Variants in RPS6KA3 observed in about 807,000 individuals in gnomAD.
RPS6KA3 encodes the protein ribosomal protein S6 kinase alpha-3.
A neutral mutation model predicts 67.2 loss-of-function variants in RPS6KA3; 4 were observed. The ratio of observed to expected loss-of-function variants is 0.06; its 90% CI spans 0.03 to 0.14. The LOEUF (loss-of-function observed/expected upper bound fraction) is 0.14. Ranked by LOEUF, RPS6KA3 falls within the 10% of genes least tolerant of loss-of-function variation. The probability of loss-of-function intolerance (pLI) is 1.00; values close to 1 mark genes in which losing one functional copy is unlikely to be tolerated. For synonymous variants in RPS6KA3, 182 were observed against 183.7 expected (o/e 0.99, Z 0.07); for missense variants, 204 against 559.0 (o/e 0.36, Z 6.40).
At chrX:20,156,554 GA>G (rs1159167655) in intron 20 of RPS6KA3, among the ~76,000 whole-genome samples, 1 of 110,413 alleles carries the variant, frequency 9.1e-6, no homozygotes, top group Non-Finnish European at 1.9e-5. Flanking sequence ...TTTATTTATT[GA>G]AACAGGGTCT....
At chrX:20,182,335 C>T (rs1444027784) in intron 10 of RPS6KA3, among the ~76,000 whole-genome samples, 1 of 111,878 alleles carries the variant, frequency 8.9e-6, no homozygotes, top group Non-Finnish European at 1.9e-5. Context: ...TTCCTTAGCT[C>T]CACATTCTTG....
intron 1 of RPS6KA3, 62 bp from the exon 2 acceptor site, chrX:20,234,876 T>C: frequency 8.9e-6 from 8 of 903,922 alleles, no homozygotes; most frequent in Non-Finnish European, 1.3e-5. Context: ...TAAAGTTAAA[T>C]GAAGGCAGAC....
Position 20,169,661 on chromosome X carries a change from T to C in RPS6KA3, c.1354-170A>G. On this transcript the variant is annotated intron_variant, in intron 15 of 21. Transcript: ENST00000379565. ...CCAGATTGTTTAATCAGAAAGCCAG[T>C]CTTGATATAGATGGCAAGGCTGTAA... 5 of 516,840 alleles carry C rather than the reference T, an allele frequency of 9.7e-6. No homozygotes were observed. In the South Asian group the frequency reaches 1.2e-4, roughly 13 times the overall value. The allele number at this position is 516,840 out of a possible 1,213,427, so 42.6% of individuals were successfully genotyped here. A position where few individuals can be genotyped will look rare whatever the true frequency, so the allele number is the denominator to read the frequency against.
intron 2 of RPS6KA3, among the ~76,000 whole-genome samples, chrX:20,231,939 A>G (rs1293141075): frequency 8.9e-6 from 1 of 111,760 alleles, no homozygotes; most frequent in African/African-American, 3.3e-5. Flanking sequence ...AGTTTGTGGT[A>G]ATTTGTTATG....
chrX:20,228,721 T>C (rs142998251), intron 2 of RPS6KA3, among the ~76,000 whole-genome samples: 4,212 of 111,360 alleles, frequency 0.038, 99 homozygotes, highest in Non-Finnish European at 0.057. Flanking sequence ...GAATAAGACT[T>C]GCTCACCATT....
At chrX:20,228,686 G>C (rs1480388363) in intron 2 of RPS6KA3, among the ~76,000 whole-genome samples, 2 of 111,300 alleles carry the variant, frequency 1.8e-5, no homozygotes, top group Non-Finnish European at 3.8e-5. Context: ...CCATTTTTGA[G>C]CTCTTCTGAG....
At position 20,195,208 on chromosome X, in the gene RPS6KA3, T is replaced by C. The variant is rs150974150; in HGVS notation, c.326-63A>G. 6.1e-3 allele frequency: 4,481 copies of C among 738,378 alleles called. 172 individuals are homozygous for C. In the East Asian group the frequency reaches 0.12, roughly 20 times the overall value. The allele number at this position is 738,378 out of a possible 1,213,427, so 60.9% of individuals were successfully genotyped here. ...TTCAAAGATAATCTTCAAAACAAAT[T>C]CTTTTTGGTGCCCATGTTAAATAAA... On this transcript the variant is annotated intron_variant, in intron 4 of 21. Transcript: ENST00000379565.
At position 20,186,981 on chromosome X, in the gene RPS6KA3, G is replaced by A. The variant is rs763267384; in HGVS notation, c.775-615C>T. On this transcript the variant is annotated intron_variant, in intron 9 of 21. Transcript: ENST00000379565. ...CCCAAGTAGCTGGGATTACAGGTGTGTGCCACCATGCCTGGCTAATTTTTT... is the reference window on the plus strand; with the variant it reads ...CCCAAGTAGCTGGGATTACAGGTGTATGCCACCATGCCTGGCTAATTTTTT... 5.4e-5 allele frequency among the ~76,000 whole-genome samples: 6 copies of A among 111,152 alleles called. No homozygotes were observed. The South Asian group carries it at 1.1e-3, about 21-fold the overall frequency.
At chrX:20,188,060 T>G (rs2068029980) in intron 8 of RPS6KA3, 90 bp from the exon 9 acceptor site, 11 of 867,649 alleles carry the variant, frequency 1.3e-5, no homozygotes, top group Middle Eastern at 3.4e-4. Flanking sequence ...TTAAAATTTC[T>G]AATACAAGTT....
intron 7 of RPS6KA3, among the ~76,000 whole-genome samples, chrX:20,191,431 T>C (rs771978665): frequency 4.6e-4 from 51 of 111,779 alleles, no homozygotes; most frequent in African/African-American, 1.4e-3. Context: ...TTCTAGATCC[T>C]TGAGGAATCG....
intron 10 of RPS6KA3, among the ~76,000 whole-genome samples, chrX:20,180,974 G>C (rs765431145): frequency 8.9e-6 from 1 of 111,884 alleles, no homozygotes; most frequent in African/African-American, 3.2e-5. Context: ...GTGCAGACTT[G>C]ATTTGGATCC....
rs951403731 is a variant in RPS6KA3, at chrX:20,188,393, T to C, written c.631+104A>G. On this transcript the variant is annotated intron_variant, in intron 8 of 21. Transcript: ENST00000379565. ...GCCTGGCCCTAATACAAGTTTTTAA[T>C]TTTAATACAGTGTATTACTCAATAT... 15 of 490,841 alleles carry C rather than the reference T, an allele frequency of 3.1e-5. No individual in the cohort carries two copies. In the African/African-American group the frequency reaches 3.6e-4, roughly 12 times the overall value. The allele number at this position is 490,841 out of a possible 1,213,427, so 40.5% of individuals were successfully genotyped here.
At chrX:20,261,356 CTGA>C (rs1306028902) in intron 1 of RPS6KA3, among the ~76,000 whole-genome samples, 1 of 111,968 alleles carries the variant, frequency 8.9e-6, no homozygotes, top group Non-Finnish European at 1.9e-5. Flanking sequence ...CCCAAATACC[CTGA>C]TGTGATCATT....
Position 20,266,606 on chromosome X carries a change from C to T in RPS6KA3, c.27G>A (p.Pro9=). 2 of 1,151,039 alleles carry T rather than the reference C, an allele frequency of 1.7e-6. No homozygotes were observed. Among genetic ancestry groups the T allele is most frequent in the Non-Finnish European group, 1.2e-6 (1 of 868,288 alleles). The allele number at this position is 1,151,039 out of a possible 1,213,427, so 94.9% of individuals were successfully genotyped here. ...GGCTCTCCACAGCCATCTTCTGCCA[C>T]GGGTCCGCCAGCTGCGCCAGCGGCA... MPLAQLAD[P]WQKMAVESPS... The change falls in exon 1 of 22, where the codon CCG becomes CCA. Residue 9 remains proline (P), a synonymous_variant. Coordinates refer to ENST00000379565, the MANE Select transcript of RPS6KA3 (RefSeq NM_004586.3).
chrX:20,159,813 C>A (rs2067266425), intron 20 of RPS6KA3, among the ~76,000 whole-genome samples: 1 of 112,094 alleles, frequency 8.9e-6, no homozygotes, highest in African/African-American at 3.2e-5. Context: ...TACTGCTCCA[C>A]AGAATGCACT....
intron 2 of RPS6KA3, among the ~76,000 whole-genome samples, chrX:20,233,087 G>A (rs2069316190): frequency 9.0e-6 from 1 of 111,393 alleles, no homozygotes. Flanking sequence ...AGTGAGCTGA[G>A]ATCACACCAC....
intron 1 of RPS6KA3, among the ~76,000 whole-genome samples, chrX:20,246,190 AAG>A (rs1022676724): frequency 9.1e-6 from 1 of 109,737 alleles, no homozygotes; most frequent in Non-Finnish European, 1.9e-5. Flanking sequence ...CTGATACATC[AAG>A]TTTCAAAGCC....
chrX:20,245,464 CAAAT>C (rs2069661786), intron 1 of RPS6KA3, among the ~76,000 whole-genome samples: 1 of 111,129 alleles, frequency 9.0e-6, no homozygotes, highest in African/African-American at 3.3e-5. Context: ...CGAATGTTGT[CAAAT>C]AAAAGAAAAA....
chrX:20,220,909 C>T (rs184209688), intron 2 of RPS6KA3, among the ~76,000 whole-genome samples: 152 of 111,477 alleles, frequency 1.4e-3, no homozygotes, highest in African/African-American at 4.6e-3. Flanking sequence ...ATGCAGACAC[C>T]ATAAGGGAAA....
Sources: allele counts gnomAD v4.1 joint callset (sites outside exome capture counted in the v4.1 genomes callset), GRCh38; gene constraint gnomAD v4.1.1; transcripts MANE v1.5; gene names NCBI Gene and HGNC (gene_info 2026-07-23, HGNC 2026-07-21).